The following DLG5 variants were observed in gnomAD, a reference collection of about 807,000 sequenced individuals.
DLG5 encodes disks large homolog 5.
DLG5 carries 48 observed loss-of-function variants against 189.8 expected under a neutral mutation model. The observed-to-expected ratio is 0.25, with a 90% CI of 0.20 to 0.32. The LOEUF is 0.32. DLG5 is among the 10% of genes least tolerant of loss of function. The pLI is 1.00. For synonymous variants in DLG5, 1,016 were observed against 1,054.1 expected, an observed-to-expected ratio of 0.96 and a Z score of 0.70; for missense variants, 2,160 against 2,544.7, an observed-to-expected ratio of 0.85 and a Z score of 3.25.
At chr10:77,878,056 G>A (rs1845160705) in intron 1 of DLG5, among the ~76,000 whole-genome samples, 1 of 152,186 alleles carries the variant, frequency 6.6e-6, no homozygotes. Context: ...CTCTCTGAAA[G>A]GCACCGGGCA....
Position 77,819,909 on chromosome 10 carries a change from C to T in DLG5, c.3512G>A (p.Ser1171Asn), listed in dbSNP as rs1842250677. The change falls in exon 16 of 32, where the codon AGC becomes AAC. Residue 1171 changes from serine (S) to asparagine (N), a missense_variant. Ser to Asn is a conservative substitution (Grantham distance 46). Around this residue, in one of 5 missense-constraint regions of DLG5, gnomAD observed 754 missense variants for 746.5 expected, o/e 1.01. Transcript: ENST00000372391. ...SRHSNPPLYP[S>N]RPSVGTVPRS... ...GGCTGACTCACCCACAGACGGCCTGCTAGGGTATAGCGGGGGGTTGCTGTG... is the reference window on the plus strand; with the variant it reads ...GGCTGACTCACCCACAGACGGCCTGTTAGGGTATAGCGGGGGGTTGCTGTG... 1.3e-6 allele frequency: 2 copies of T among 1,585,318 alleles called. No homozygotes were observed. Among genetic ancestry groups the T allele is most frequent in the Admixed American group, 1.8e-5 (1 of 56,808 alleles).
chr10:77,820,058 G>A (rs751165899), intron 15 of DLG5, 40 bp from the exon 16 acceptor site: 14 of 1,609,394 alleles, frequency 8.7e-6, no homozygotes, highest in Non-Finnish European at 1.1e-5. Flanking sequence ...AGAAAGAGTG[G>A]AGTGTGGCCA....
chr10:77,930,878 T>C (rs940556910), upstream of DLG5, among the ~76,000 whole-genome samples: 7 of 137,524 alleles, frequency 5.1e-5, no homozygotes, highest in African/African-American at 1.9e-4. Context: ...TGGAGTGCAA[T>C]GGCATGATCT....
chr10:77,851,585 T>C (rs1489488839), intron 5 of DLG5, among the ~76,000 whole-genome samples: 2 of 152,182 alleles, frequency 1.3e-5, no homozygotes, highest in African/African-American at 4.8e-5. Flanking sequence ...CCCCAGCCAC[T>C]GGGCCTGACC....
Position 77,796,011 on chromosome 10 carries a change from C to A in DLG5, c.5436+50G>T, listed in dbSNP as rs568890231. ...CGGACCAGGGGCCTAGACCTGTGCACAGGAGGTCTAATACTGGATGCCTAA... is the reference window on the plus strand; with the variant it reads ...CGGACCAGGGGCCTAGACCTGTGCAAAGGAGGTCTAATACTGGATGCCTAA... On this transcript the variant is annotated intron_variant, in intron 29 of 31. Coordinates refer to ENST00000372391, the MANE Select transcript of DLG5 (RefSeq NM_004747.4). This position sits in a 1 kb window ranked among gnomAD's most constrained non-coding sequence, Gnocchi z 5.2. The A allele has an allele frequency of 6.8e-6, 11 of 1,613,364 alleles. No homozygotes were observed. The African/African-American group carries it at 1.5e-4, about 21-fold the overall frequency.
rs1369178428 is a variant in DLG5 at position 77,821,582 on chromosome 10, T to C, written c.2902A>G (p.Lys968Glu). 1.2e-6 allele frequency: 2 copies of C among 1,612,910 alleles called. No homozygotes were observed. Among genetic ancestry groups the C allele is most frequent in the Non-Finnish European group, 1.7e-6 (2 of 1,180,026 alleles). ...GGGTCAAAGATGGACTTTCTTTGCT[T>C]TGGCTTTTTATAAACAGAGAGCTTC... ...PEKLSVYKKPKQRKSIFDPNT... is the reference protein window; with the variant it reads ...PEKLSVYKKPEQRKSIFDPNT... The change falls in exon 15 of 32, where the codon AAG becomes GAG. Residue 968 changes from lysine (K) to glutamate (E), a missense_variant. Transcript: ENST00000372391.
At chr10:77,809,338 G>A (rs930623316) in intron 24 of DLG5, among the ~76,000 whole-genome samples, 1 of 152,194 alleles carries the variant, frequency 6.6e-6, no homozygotes, top group Non-Finnish European at 1.5e-5. Context: ...CCTGGGAAGT[G>A]AAGGTTGCAG....
chr10:77,884,502 G>T (rs145181574), intron 1 of DLG5, among the ~76,000 whole-genome samples: 1 of 152,112 alleles, frequency 6.6e-6, no homozygotes, highest in Admixed American at 6.5e-5. Context: ...GGAGCACATT[G>T]TTTCTACAGA....
At chr10:77,846,150 CAGG>C in intron 5 of DLG5, among the ~76,000 whole-genome samples, 1 of 152,054 alleles carries the variant, frequency 6.6e-6, no homozygotes, top group South Asian at 2.1e-4. Context: ...GAGGCTGAGG[CAGG>C]AGAATTGCTT....
At chr10:77,801,513 C>T (rs925278050) in intron 27 of DLG5, among the ~76,000 whole-genome samples, 1 of 152,152 alleles carries the variant, frequency 6.6e-6, no homozygotes, top group Non-Finnish European at 1.5e-5. Flanking sequence ...AAGGTCAGCA[C>T]AGAAGCAATA....
chr10:77,908,445 C>A (rs1343832318), intron 1 of DLG5, among the ~76,000 whole-genome samples: 1 of 152,182 alleles, frequency 6.6e-6, no homozygotes, highest in East Asian at 1.9e-4. Flanking sequence ...CCAGCCCCAG[C>A]AGCCTCACAA....
At chr10:77,890,987 C>T (rs1484471684) in intron 1 of DLG5, among the ~76,000 whole-genome samples, 1 of 152,230 alleles carries the variant, frequency 6.6e-6, no homozygotes, top group African/African-American at 2.4e-5. Flanking sequence ...TTATCACACC[C>T]AGCCCATTCC....
Position 77,883,592 on chromosome 10 carries a change from A to T in DLG5, c.305-14395T>A, listed in dbSNP as rs1165422346. 2.0e-5 allele frequency among the ~76,000 whole-genome samples: 3 copies of T among 151,428 alleles called. No homozygotes were observed. The South Asian group carries it at 6.3e-4, about 32-fold the overall frequency. On this transcript the variant is annotated intron_variant, in intron 1 of 31. Coordinates refer to ENST00000372391, the MANE Select transcript of DLG5 (RefSeq NM_004747.4). ...CCCCTGGGTTAGAAAAAAACATAAG[A>T]CTCAATTTGAACAATGTCATTGGGA...
chr10:77,833,778 G>T, intron 9 of DLG5, 136 bp downstream of exon 9: 1 of 1,273,394 alleles, frequency 7.9e-7, no homozygotes, highest in Non-Finnish European at 1.1e-6. Context: ...AGAGTGAAGT[G>T]AAGGGACAAA....
intron 1 of DLG5, among the ~76,000 whole-genome samples, chr10:77,917,359 C>CA (rs1846391429): frequency 6.6e-6 from 1 of 150,736 alleles, no homozygotes; most frequent in Non-Finnish European, 1.5e-5. Flanking sequence ...AACAAACAAA[C>CA]AAAAAAAGGA....
chr10:77,896,819 CAA>C (rs1227223267), intron 1 of DLG5, among the ~76,000 whole-genome samples: 2 of 139,122 alleles, frequency 1.4e-5, no homozygotes, highest in Non-Finnish European at 3.1e-5. Context: ...AATTCCATCT[CAA>C]AAAAAAAAGC....
At chr10:77,854,124 C>T (rs546394222) in intron 4 of DLG5, 103 bp downstream of exon 4, 49 of 1,437,424 alleles carry the variant, frequency 3.4e-5, no homozygotes, top group Non-Finnish European at 4.3e-5. Flanking sequence ...TGCACAGGGA[C>T]AGGACTAGAA....
At chr10:77,792,708 G>T in intron 31 of DLG5, 165 bp from the exon 32 acceptor site, 1 of 645,978 alleles carries the variant, frequency 1.5e-6, no homozygotes, top group Non-Finnish European at 2.7e-6. Context: ...AAGAAACTGG[G>T]AAAGAAAATT....
chr10:77,896,985 C>T (rs990327036), intron 1 of DLG5, among the ~76,000 whole-genome samples: 25 of 151,110 alleles, frequency 1.7e-4, no homozygotes, highest in African/African-American at 5.4e-4. Flanking sequence ...ACAGAAAATT[C>T]GAAGAAAAAT....
Sources: allele counts gnomAD v4.1 joint callset (sites outside exome capture counted in the v4.1 genomes callset), GRCh38; gene constraint gnomAD v4.1.1; regional missense constraint gnomAD v4.1.1; non-coding constraint Gnocchi (gnomAD v3.1); transcripts MANE v1.5; gene names NCBI Gene and HGNC (gene_info 2026-07-23, HGNC 2026-07-21).